LINGO1: variants seen among roughly 807,000 people sequenced by gnomAD.
LINGO1 encodes the protein leucine rich repeat and Ig domain containing 1.
A neutral mutation model predicts 37.3 loss-of-function variants in LINGO1; 11 were observed. The ratio of observed to expected loss-of-function variants is 0.29; its 90% confidence interval spans 0.19 to 0.49. The LOEUF is 0.49. Ranked by LOEUF, LINGO1 falls within the 20% of genes least tolerant of loss-of-function variation. LINGO1 has a pLI of 0.99. For synonymous variants in LINGO1, 387 were observed against 403.0 expected, an observed-to-expected ratio of 0.96 and a Z score of 0.48; for missense variants, 585 against 878.2, an observed-to-expected ratio of 0.67 and a Z score of 4.22.
chr15:77,708,710 C>T (rs1036584094), intron 2 of LINGO1, among the ~76,000 whole-genome samples: 4 of 152,118 alleles, frequency 2.6e-5, no homozygotes, highest in Admixed American at 6.5e-5. Flanking sequence ...GTCAAGAGTT[C>T]GAGACCAGCC....
chr15:77,806,298 G>A (rs950082452), intron 1 of LINGO1, among the ~76,000 whole-genome samples: 5 of 152,084 alleles, frequency 3.3e-5, no homozygotes, highest in African/African-American at 7.2e-5. Flanking sequence ...ATTCCTCTCC[G>A]ATTCCAATTT....
chr15:77,699,624 A>AC (rs1233127019), upstream of LINGO1, among the ~76,000 whole-genome samples: 1 of 150,540 alleles, frequency 6.6e-6, no homozygotes, highest in Non-Finnish European at 1.5e-5. Context: ...TCATCTGCAC[A>AC]AACTAAACAC....
chr15:77,734,737 C>T (rs570389111), intron 2 of LINGO1, among the ~76,000 whole-genome samples: 3 of 152,180 alleles, frequency 2.0e-5, no homozygotes, highest in East Asian at 3.9e-4. Context: ...GGGCCCCCAG[C>T]GCCTATAACC....
At chr15:77,624,430 C>T (rs1435146753) in intron 1 of LINGO1, among the ~76,000 whole-genome samples, 3 of 152,146 alleles carry the variant, frequency 2.0e-5, no homozygotes, top group Non-Finnish European at 4.4e-5. Flanking sequence ...TAGGCACGCA[C>T]TCGGCCACCC....
upstream of LINGO1, among the ~76,000 whole-genome samples, chr15:77,697,570 T>C (rs1353847416): frequency 1.6e-5 from 2 of 127,836 alleles, no homozygotes; most frequent in East Asian, 2.4e-4. Context: ...AGTTCACTCA[T>C]TCATTCACTC....
At chr15:77,820,199 G>T (rs2077086414) in intron 1 of LINGO1, 1 of 152,166 alleles carries the variant, frequency 6.6e-6, no homozygotes, top group Non-Finnish European at 1.5e-5. Context: ...GACGTCCCGC[G>T]CTAGCCTCGG....
At chr15:77,685,698 A>AAAC (rs1243228036) in intron 2 of LINGO1, among the ~76,000 whole-genome samples, 3 of 151,486 alleles carry the variant, frequency 2.0e-5, no homozygotes, top group African/African-American at 7.3e-5. Context: ...TCTTAAAAAA[A>AAAC]AAAAAAACGC....
intron 1 of LINGO1, among the ~76,000 whole-genome samples, chr15:77,785,389 GC>G (rs1168826709): frequency 6.6e-6 from 1 of 152,180 alleles, no homozygotes; most frequent in Non-Finnish European, 1.5e-5. Context: ...CCTTACACAG[GC>G]CCTTGCACTT....
intron 1 of LINGO1, among the ~76,000 whole-genome samples, chr15:77,812,863 C>T (rs751351333): frequency 2.0e-5 from 3 of 152,218 alleles, no homozygotes; most frequent in Non-Finnish European, 4.4e-5. Flanking sequence ...CTATGATGAG[C>T]GTCTCAGGAG....
chr15:77,708,890 G>A (rs2075884846), intron 2 of LINGO1, among the ~76,000 whole-genome samples: 1 of 152,192 alleles, frequency 6.6e-6, no homozygotes, highest in South Asian at 2.1e-4. Context: ...CTCCACCCTG[G>A]GTGACAGAGC....
At chr15:77,656,586 T>C (rs1488364459) in intron 3 of LINGO1, among the ~76,000 whole-genome samples, 3 of 152,126 alleles carry the variant, frequency 2.0e-5, no homozygotes, top group Non-Finnish European at 2.9e-5. Flanking sequence ...ACGGGGGCCA[T>C]GTTGGTTCCC....
intron 1 of LINGO1, among the ~76,000 whole-genome samples, chr15:77,766,709 T>C (rs913033640): frequency 2.0e-5 from 3 of 152,190 alleles, no homozygotes; most frequent in African/African-American, 7.2e-5. Context: ...TCCGCCATGA[T>C]TGTAGTTTCC....
intron 1 of LINGO1, among the ~76,000 whole-genome samples, chr15:77,767,750 C>T (rs893388059): frequency 6.6e-6 from 1 of 152,140 alleles, no homozygotes; most frequent in African/African-American, 2.4e-5. Flanking sequence ...TCTCTCCACC[C>T]CCACTAAAAA....
intron 3 of LINGO1, among the ~76,000 whole-genome samples, chr15:77,661,443 T>G (rs920674789): frequency 5.3e-5 from 8 of 152,218 alleles, no homozygotes; most frequent in African/African-American, 1.9e-4. Flanking sequence ...CTGAGGGTAT[T>G]CAGCTGTGGA....
chr15:77,780,279 G>A (rs967430518), intron 1 of LINGO1, among the ~76,000 whole-genome samples: 10 of 152,164 alleles, frequency 6.6e-5, no homozygotes, highest in African/African-American at 2.4e-4. Flanking sequence ...CATGGACAAT[G>A]GTGGGCCACT....
At chr15:77,631,384 C>T (rs2074248452) in intron 1 of LINGO1, among the ~76,000 whole-genome samples, 2 of 152,188 alleles carry the variant, frequency 1.3e-5, no homozygotes, top group South Asian at 4.2e-4. Context: ...AACCCCAAGG[C>T]CTCTGAGAAC....
intron 2 of LINGO1, among the ~76,000 whole-genome samples, chr15:77,678,866 T>C (rs533028786): frequency 1.8e-4 from 28 of 152,270 alleles, no homozygotes; most frequent in African/African-American, 6.7e-4. Context: ...TGATATGTAG[T>C]GGTATTGCAT....
chr15:77,771,626 T>C (rs1465347137), intron 1 of LINGO1, among the ~76,000 whole-genome samples: 1 of 152,132 alleles, frequency 6.6e-6, no homozygotes, highest in Non-Finnish European at 1.5e-5. Flanking sequence ...GTTCCGTAGA[T>C]AAGTCAGTGC....
In LINGO1 at chr15:77,613,775, T is replaced by G; in HGVS notation, c.*269A>C. On this transcript the variant is annotated 3_prime_UTR_variant, in exon 2 of 2. Transcript: ENST00000355300. ...AACTTTTTTATTGAATTATTGACTC[T>G]GCCGCGTGTCGGTTCGTCGGCTTTC... 1 of 460,606 alleles carries G rather than the reference T, an allele frequency of 2.2e-6. No individual in the cohort carries two copies. The highest frequency in any genetic ancestry group is 3.1e-5 in the East Asian group (1 of 31,894). The allele number at this position is 460,606 out of a possible 1,614,324, so 28.5% of individuals were successfully genotyped here.
Sources: gnomAD v4.1 joint callset for allele counts (sites outside exome capture counted in the v4.1 genomes callset) on GRCh38, gnomAD v4.1.1 for gene constraint, MANE v1.5 for transcripts, NCBI Gene and HGNC (gene_info 2026-07-23, HGNC 2026-07-21) for gene names.